KDM1A: variants seen among roughly 807,000 people sequenced by gnomAD.
KDM1A encodes the protein lysine demethylase 1A.
Under a neutral mutation model 109.4 loss-of-function variants are expected in KDM1A, and 49 were observed. That is an observed-to-expected ratio of 0.45 (90% confidence interval 0.36 to 0.57). The LOEUF is 0.57. KDM1A is among the 20% of genes least tolerant of loss of function. The pLI, the probability that KDM1A is intolerant of heterozygous loss-of-function variation, is 0.00. For synonymous variants in KDM1A, 380 were observed against 415.4 expected (o/e 0.91, Z 1.04); for missense variants, 668 against 1,116.6 (o/e 0.60, Z 5.73).
intron 2 of KDM1A, among the ~76,000 whole-genome samples, chr1:23,043,185 G>A (rs1010340268): frequency 5.9e-5 from 9 of 152,172 alleles, no homozygotes; most frequent in African/African-American, 1.7e-4. Flanking sequence ...TAACCCGATC[G>A]TCTCTTCATG....
At position 23,063,224 on chromosome 1, in the gene KDM1A, GTGT is replaced by G. The variant is rs1643062260; in HGVS notation, c.1168-2835_1168-2833del. On this transcript the variant is annotated intron_variant, in intron 9 of 20. Transcript: ENST00000400181. Reference sequence around the variant, plus strand: ...GGGGGGGGTGTGGTGTGGGGTGGGTGTGTGTGGGTGTGTGTGTGTGTGTGTGTG... The same window carrying G: ...GGGGGGGGTGTGGTGTGGGGTGGGTGGTGGGTGTGTGTGTGTGTGTGTGTG... Among the ~76,000 whole-genome samples, 7 of 64,650 alleles carry G rather than the reference GTGT, an allele frequency of 1.1e-4. 1 individual carries two copies. Among genetic ancestry groups the G allele is most frequent in the Non-Finnish European group, 1.7e-4 (5 of 30,082 alleles). 42.4% of individuals were successfully genotyped at this position (64,650 alleles called of 152,430 possible).
At chr1:23,033,304 C>T (rs1642044913) in intron 2 of KDM1A, among the ~76,000 whole-genome samples, 1 of 152,098 alleles carries the variant, frequency 6.6e-6, no homozygotes, top group Non-Finnish European at 1.5e-5. Context: ...AGCGGATCAC[C>T]TGAGGTCAGG....
chr1:23,030,114 A>G (rs543279005), intron 1 of KDM1A, among the ~76,000 whole-genome samples: 122 of 152,336 alleles, frequency 8.0e-4, no homozygotes, highest in South Asian at 1.4e-3. Flanking sequence ...CTAGTTAACT[A>G]TATTTTTGTC....
chr1:23,058,785 GAT>G (rs1569755286), intron 8 of KDM1A, among the ~76,000 whole-genome samples: 1 of 152,154 alleles, frequency 6.6e-6, no homozygotes, highest in Non-Finnish European at 1.5e-5. Context: ...AAGTTGAAAA[GAT>G]ATTATAAAAC....
At chr1:23,045,892 C>T (rs1342580982) in intron 3 of KDM1A, among the ~76,000 whole-genome samples, 2 of 152,050 alleles carry the variant, frequency 1.3e-5, no homozygotes, top group African/African-American at 4.8e-5. Flanking sequence ...GTGAAATGAT[C>T]AATCAGGGTT....
intron 2 of KDM1A, among the ~76,000 whole-genome samples, chr1:23,034,731 G>C (rs1402559961): frequency 6.6e-6 from 1 of 152,060 alleles, no homozygotes; most frequent in African/African-American, 2.4e-5. Context: ...CTTTTCACTA[G>C]AGAACTCAAG....
intron 1 of KDM1A, among the ~76,000 whole-genome samples, chr1:23,023,522 G>A (rs1002315149): frequency 1.3e-5 from 2 of 152,070 alleles, no homozygotes; most frequent in African/African-American, 2.4e-5. Flanking sequence ...GTTTATTTCT[G>A]GACTCTCAAC....
Position 23,079,281 on chromosome 1 carries a change from A to C in KDM1A, c.2055+104A>C. ...GCCTTGCATTTTTGGGCATTTGGCT[A>C]TGCTCCCAATTGTGACATCAGGGCT... On this transcript the variant is annotated intron_variant, in intron 17 of 20. Transcript: ENST00000400181. This position sits in a 1 kb window ranked among gnomAD's most constrained non-coding sequence, Gnocchi z 5.6. The C allele has an allele frequency of 8.5e-7, 1 of 1,178,428 alleles. No homozygotes were observed. The highest frequency in any genetic ancestry group is 1.2e-6 in the Non-Finnish European group (1 of 826,170). The allele number at this position is 1,178,428 out of a possible 1,614,324, so 73.0% of individuals were successfully genotyped here.
intron 3 of KDM1A, 61 bp downstream of exon 3, chr1:23,044,547 C>A (rs1642447406): frequency 1.4e-6 from 2 of 1,434,768 alleles, no homozygotes; most frequent in Non-Finnish European, 1.9e-6. Flanking sequence ...GGAATTGATG[C>A]TTGCAAGTGT....
intron 15 of KDM1A, among the ~76,000 whole-genome samples, chr1:23,075,121 G>A (rs1341741688): frequency 6.6e-6 from 1 of 152,162 alleles, no homozygotes; most frequent in Non-Finnish European, 1.5e-5. Context: ...CTTAAATACA[G>A]TATACTTCTC....
At chr1:23,060,675 A>G (rs1486134897) in intron 9 of KDM1A, among the ~76,000 whole-genome samples, 7 of 152,300 alleles carry the variant, frequency 4.6e-5, no homozygotes, top group Non-Finnish European at 8.8e-5. Context: ...TTTAAGTCTT[A>G]AGTAGAGAAG....
chr1:23,056,917 C>G (rs1642846156), intron 7 of KDM1A, among the ~76,000 whole-genome samples: 1 of 151,792 alleles, frequency 6.6e-6, no homozygotes. Flanking sequence ...AGTGATAAAC[C>G]TGGGCCTATT....
chr1:23,019,789 C>A lies in KDM1A; in HGVS notation c.193C>A (p.Pro65Thr). 7.2e-7 allele frequency: 1 copy of A among 1,379,988 alleles called. No homozygotes were observed. The highest frequency in any genetic ancestry group is 9.4e-7 in the Non-Finnish European group (1 of 1,065,722). The allele number at this position is 1,379,988 out of a possible 1,614,324, so 85.5% of individuals were successfully genotyped here. A position where few individuals can be genotyped will look rare whatever the true frequency, so the allele number is the denominator to read the frequency against. ...VGERTPRKKE[P>T]PRASPPGGLA... Reference sequence around the variant, plus strand: ...GGAGCGCACACCCCGCAAGAAAGAGCCTCCGCGGGCCTCGCCCCCCGGGGG... The same window carrying A: ...GGAGCGCACACCCCGCAAGAAAGAGACTCCGCGGGCCTCGCCCCCCGGGGG... The change falls in exon 1 of 21, where the codon CCT becomes ACT. Residue 65 changes from proline (P) to threonine (T), a missense_variant. Pro to Thr is a conservative substitution (Grantham distance 38). Around this residue, in one of 8 missense-constraint regions of KDM1A, gnomAD observed 156 missense variants for 163.4 expected, o/e 0.95. Transcript: ENST00000400181.
At chr1:23,059,783 G>A (rs1642948104) in intron 9 of KDM1A, among the ~76,000 whole-genome samples, 1 of 152,152 alleles carries the variant, frequency 6.6e-6, no homozygotes, top group Admixed American at 6.5e-5. Flanking sequence ...ACAAGTGAGT[G>A]AAATTCAAAA....
intron 20 of KDM1A, 77 bp from the exon 21 acceptor site, chr1:23,083,102 T>C: frequency 7.4e-7 from 1 of 1,355,224 alleles, no homozygotes; most frequent in Non-Finnish European, 1.0e-6. Context: ...AACAGCAATT[T>C]AAGTACTTAG....
chr1:23,082,308 A>G lies in KDM1A; in HGVS notation c.2387A>G (p.Asp796Gly). The change falls in exon 20 of 21, where the codon GAC (aspartate) becomes GGC (glycine). Residue 796 changes from aspartate (D) to glycine (G), a missense_variant. Physicochemically the swap from Asp to Gly is moderately conservative, Grantham distance 94. This residue lies in a region of KDM1A where 162 missense variants were observed against 376.4 expected (regional missense o/e 0.43). Coordinates refer to ENST00000400181, the MANE Select transcript of KDM1A (RefSeq NM_001009999.3). Reference sequence around the variant, plus strand: ...GTTGCTGCAGGATCATCTGGAAATGACTATGATTTAATGGCTCAGCCAATC... The same window carrying G: ...GTTGCTGCAGGATCATCTGGAAATGGCTATGATTTAATGGCTCAGCCAATC... ...SYVAAGSSGN[D>G]YDLMAQPITP... The G allele has an allele frequency of 6.2e-7, 1 of 1,613,700 alleles. No individual in the cohort carries two copies. Among genetic ancestry groups the G allele is most frequent in the Non-Finnish European group, 8.5e-7 (1 of 1,179,940 alleles).
chr1:23,081,317 C>T, intron 18 of KDM1A, 129 bp from the exon 19 acceptor site: 1 of 1,029,462 alleles, frequency 9.7e-7, no homozygotes, highest in East Asian at 2.4e-5. Context: ...TGTCTCTTCG[C>T]ATTTGAATGG....
chr1:23,073,686 C>G (rs1643382755), intron 15 of KDM1A, among the ~76,000 whole-genome samples: 1 of 152,208 alleles, frequency 6.6e-6, no homozygotes, highest in African/African-American at 2.4e-5. Context: ...TGGACAACCA[C>G]TGATTTGCGT....
In KDM1A at chr1:23,083,261, TGCGAGAA is replaced by T. The variant is rs1643675069; in HGVS notation, c.2532_2538del (p.Ala846GlufsTer35). 1 of 1,613,922 alleles carries T rather than the reference TGCGAGAA, an allele frequency of 6.2e-7. No individual in the cohort carries two copies. Among genetic ancestry groups the T allele is most frequent in the African/African-American group, 1.3e-5 (1 of 74,874 alleles). ...GTGCATGGTGCTCTGCTGAGTGGGC[TGCGAGAA>T]GCGGGAAGAATTGCAGACCAGTTTT... is the stretch of plus-strand genomic sequence containing the variant. On this transcript the variant is annotated frameshift_variant, in exon 21 of 21. Transcript: ENST00000400181. LOFTEE classifies it high-confidence loss of function.
Sources: allele counts gnomAD v4.1 joint callset (sites outside exome capture counted in the v4.1 genomes callset), GRCh38; gene constraint gnomAD v4.1.1; regional missense constraint gnomAD v4.1.1; non-coding constraint Gnocchi (gnomAD v3.1); transcripts MANE v1.5; gene names NCBI Gene and HGNC (gene_info 2026-07-23, HGNC 2026-07-21).